The following ZNF512 variants were observed in gnomAD, a reference collection of about 807,000 sequenced individuals.
The protein encoded by ZNF512 is zinc finger protein 512.
In ZNF512, 25 loss-of-function variants were observed where a neutral mutation model predicts 77.5. The observed-to-expected ratio is 0.32, with a 90% CI of 0.23 to 0.45. The LOEUF is 0.45. Ranked by LOEUF, ZNF512 falls within the 20% of genes least tolerant of loss-of-function variation. The probability of loss-of-function intolerance (pLI) is 1.00; values close to 1 mark genes in which losing one functional copy is unlikely to be tolerated. For missense variants in ZNF512, 483 were observed against 692.6 expected (o/e 0.70, Z 3.40); for synonymous variants, 246 against 239.9 (o/e 1.03, Z -0.24).
In ZNF512 at chr2:27,601,409, G is replaced by A. The variant is rs779164238; in HGVS notation, c.636G>A (p.Met212Ile). The A allele has an allele frequency of 6.2e-7, 1 of 1,613,942 alleles. No homozygotes were observed. Among genetic ancestry groups the A allele is most frequent in the Non-Finnish European group, 8.5e-7 (1 of 1,179,960 alleles). The stretch of plus-strand genomic sequence containing the variant: ...AACAACTTCGTTCACTGGCAGGGAT[G>A]AAGTATCATGTCATGGCAAATCATA... Reference protein sequence around the residue: ...CGKQLRSLAGMKYHVMANHNS... With the variant: ...CGKQLRSLAGIKYHVMANHNS... The change falls in exon 7 of 14, where the codon ATG becomes ATA. Residue 212 changes from methionine (M) to isoleucine (I), a missense_variant. By Grantham distance (10) the Met-to-Ile change is conservative. Around this residue, in one of 2 missense-constraint regions of ZNF512, gnomAD observed 324 missense variants for 525.0 expected, o/e 0.62. Transcript: ENST00000355467.
intron 10 of ZNF512, among the ~76,000 whole-genome samples, chr2:27,608,733 C>G (rs1202844215): frequency 6.6e-6 from 1 of 152,038 alleles, no homozygotes; most frequent in Non-Finnish European, 1.5e-5. Flanking sequence ...AAGAGAGGAG[C>G]AAAGGGTCTC....
At chr2:27,603,002 G>C (rs1672195118) in intron 8 of ZNF512, 138 bp from the exon 9 acceptor site, 7 of 918,376 alleles carry the variant, frequency 7.6e-6, no homozygotes, top group Non-Finnish European at 1.2e-5. Flanking sequence ...GTGCTGATGG[G>C]AGATGTTGGA....
intron 2 of ZNF512, among the ~76,000 whole-genome samples, chr2:27,593,718 G>C (rs541852222): frequency 6.6e-6 from 1 of 151,202 alleles, no homozygotes; most frequent in African/African-American, 2.4e-5. Context: ...CTGACCAAAC[G>C]TGGGGGATTT....
chr2:27,610,852 G>A (rs964439253), intron 10 of ZNF512, among the ~76,000 whole-genome samples: 21 of 151,766 alleles, frequency 1.4e-4, no homozygotes, highest in Non-Finnish European at 4.4e-5. Flanking sequence ...GATTACAGGC[G>A]TGAGCTACTG....
intron 10 of ZNF512, among the ~76,000 whole-genome samples, chr2:27,610,292 G>A (rs1339718776): frequency 6.9e-6 from 1 of 144,198 alleles, no homozygotes; most frequent in Non-Finnish European, 1.5e-5. Context: ...TGAACCCGGG[G>A]GGCAGAGGTT....
intron 2 of ZNF512, among the ~76,000 whole-genome samples, chr2:27,594,674 C>T (rs990703085): frequency 1.4e-5 from 2 of 147,106 alleles, no homozygotes; most frequent in Non-Finnish European, 3.0e-5. Context: ...GGGTCTCCTC[C>T]CATCCCAGAT....
chr2:27,601,428 A>G lies in ZNF512; in HGVS notation c.655A>G (p.Asn219Asp), dbSNP rs1037595796. Residue 219 changes from asparagine to aspartate, a missense_variant, in exon 7 of 14, where the codon AAT becomes GAT. By Grantham distance (23) the Asn-to-Asp change is conservative. This residue lies in a region of ZNF512 where 324 missense variants were observed against 525.0 expected (regional missense o/e 0.62). Transcript: ENST00000355467. ...LAGMKYHVMANHNSLPILKAG... is the reference protein window; with the variant it reads ...LAGMKYHVMADHNSLPILKAG... The stretch of plus-strand genomic sequence containing the variant: ...AGGGATGAAGTATCATGTCATGGCA[A>G]ATCATAATAGTTTGGTAAGAGTGTC... The G allele has an allele frequency of 2.5e-6, 4 of 1,613,578 alleles. No homozygotes were observed. The highest frequency in any genetic ancestry group is 3.4e-6 in the Non-Finnish European group (4 of 1,179,778).
At chr2:27,619,224 T>C (rs1398927282) in intron 13 of ZNF512, among the ~76,000 whole-genome samples, 1 of 152,110 alleles carries the variant, frequency 6.6e-6, no homozygotes, top group East Asian at 1.9e-4. Flanking sequence ...AGCCTGGCCA[T>C]CATGGTGAAA....
intron 9 of ZNF512, among the ~76,000 whole-genome samples, chr2:27,604,377 TAG>T (rs1672267096): frequency 6.6e-6 from 1 of 152,170 alleles, no homozygotes; most frequent in Non-Finnish European, 1.5e-5. Context: ...TCTTTTTTTT[TAG>T]AGTCATTTGT....
At chr2:27,609,928 G>T (rs1330656329) in intron 10 of ZNF512, among the ~76,000 whole-genome samples, 1 of 149,640 alleles carries the variant, frequency 6.7e-6, no homozygotes, top group Non-Finnish European at 1.5e-5. Context: ...ATAGTCTCAG[G>T]TACTGGGGAG....
chr2:27,596,228 G>C (rs931575238), intron 2 of ZNF512, among the ~76,000 whole-genome samples: 1 of 152,110 alleles, frequency 6.6e-6, no homozygotes, highest in Admixed American at 6.5e-5. Flanking sequence ...TCTTATTTCA[G>C]TTCTCCAAGC....
intron 10 of ZNF512, among the ~76,000 whole-genome samples, chr2:27,611,082 T>G (rs954678539): frequency 1.3e-5 from 2 of 152,184 alleles, no homozygotes; most frequent in Non-Finnish European, 1.5e-5. Context: ...ATCTTTCCAC[T>G]GTTTCTTGAT....
intron 7 of ZNF512, 120 bp downstream of exon 7, chr2:27,601,562 C>T (rs1476000575): frequency 7.8e-6 from 6 of 772,812 alleles, no homozygotes; most frequent in Middle Eastern, 3.0e-4. Context: ...GCAACCTCCA[C>T]CTCCTGGTTC....
chr2:27,616,672 T>C (rs2068834), intron 12 of ZNF512, among the ~76,000 whole-genome samples: 43,720 of 152,134 alleles, frequency 0.29, 6,831 homozygotes, highest in East Asian at 0.49. Flanking sequence ...CCTAAAACTT[T>C]GTAGAATCAC....
intron 9 of ZNF512, among the ~76,000 whole-genome samples, chr2:27,605,211 T>C (rs2148027516): frequency 6.6e-6 from 1 of 152,248 alleles, no homozygotes; most frequent in East Asian, 2.0e-4. Flanking sequence ...CCCAGCACTT[T>C]GGGAGGCTGA....
At position 27,622,925 on chromosome 2, in the gene ZNF512, T is replaced by G. The variant is rs1245834635; in HGVS notation, c.*1464T>G. The G allele has an allele frequency of 6.5e-6, 1 of 152,778 alleles. No homozygotes were observed. The highest frequency in any genetic ancestry group is 1.9e-4 in the East Asian group (1 of 5,332). 9.5% of individuals were successfully genotyped at this position (152,778 alleles called of 1,614,324 possible). ...CCAGAATAGGTAGTTTTGAAACAAG[T>G]TAAGGACATGGTATATGCACTCTGC... On this transcript the variant is annotated 3_prime_UTR_variant, in exon 14 of 14. Transcript: ENST00000355467.
At chr2:27,613,263 C>A (rs969596327) in intron 10 of ZNF512, among the ~76,000 whole-genome samples, 1 of 151,864 alleles carries the variant, frequency 6.6e-6, no homozygotes, top group African/African-American at 2.4e-5. Context: ...TTTGGGAGGC[C>A]GAGGCAGGCA....
intron 9 of ZNF512, among the ~76,000 whole-genome samples, chr2:27,603,990 A>C (rs1376294787): frequency 6.6e-6 from 1 of 152,016 alleles, no homozygotes; most frequent in East Asian, 1.9e-4. Context: ...GCTGTAGAGC[A>C]ATCTTGGCTC....
chr2:27,608,947 A>G (rs1192532752), intron 10 of ZNF512, among the ~76,000 whole-genome samples: 1 of 151,896 alleles, frequency 6.6e-6, no homozygotes, highest in East Asian at 1.9e-4. Context: ...CCTCTCTACT[A>G]AAAATACAAA....
Sources: gnomAD v4.1 joint callset for allele counts (sites outside exome capture counted in the v4.1 genomes callset) on GRCh38, gnomAD v4.1.1 for gene constraint, gnomAD v4.1.1 regional missense constraint, MANE v1.5 for transcripts, NCBI Gene and HGNC (gene_info 2026-07-23, HGNC 2026-07-21) for gene names.